Variants in CNOT1 observed in about 807,000 individuals in gnomAD.
CNOT1 encodes the protein CCR4-NOT transcription complex subunit 1.
Under a neutral mutation model 273.8 loss-of-function variants are expected in CNOT1, and 15 were observed. The observed-to-expected ratio is 0.05, with a 90% CI of 0.04 to 0.08. The LOEUF (loss-of-function observed/expected upper bound fraction) is 0.08. Ranked by LOEUF, CNOT1 falls within the 10% of genes least tolerant of loss-of-function variation. CNOT1 has a pLI of 1.00. For missense variants in CNOT1, 1,644 were observed against 2,912.2 expected, an observed-to-expected ratio of 0.56 and a Z score of 10.02; for synonymous variants, 1,022 against 1,005.5, an observed-to-expected ratio of 1.02 and a Z score of -0.31.
intron 1 of CNOT1, among the ~76,000 whole-genome samples, chr16:58,603,624 C>G (rs4784051): frequency 0.75 from 114,304 of 151,922 alleles, 43,418 homozygotes; most frequent in Middle Eastern, 0.86. Context: ...TTCCCCTACT[C>G]AGTTCTCTCT....
At chr16:58,532,712 C>T in intron 40 of CNOT1, 1 of 254,680 alleles carries the variant, frequency 3.9e-6, no homozygotes, top group East Asian at 7.8e-5. Context: ...CACAATATAA[C>T]AATCTAATTT....
chr16:58,584,845 T>C (rs1310469574), intron 8 of CNOT1, among the ~76,000 whole-genome samples: 1 of 152,162 alleles, frequency 6.6e-6, no homozygotes, highest in Non-Finnish European at 1.5e-5. Flanking sequence ...TAATCCAGTG[T>C]ATCACAGTCT....
intron 31 of CNOT1, chr16:58,543,040 C>T: frequency 1.8e-6 from 2 of 1,087,786 alleles, no homozygotes; most frequent in Non-Finnish European, 2.3e-6. Flanking sequence ...ATGCAGTGAG[C>T]CAAGACTGCA....
At chr16:58,550,978 T>G (rs1447235567) in intron 24 of CNOT1, among the ~76,000 whole-genome samples, 154 bp downstream of exon 24, 1 of 152,212 alleles carries the variant, frequency 6.6e-6, no homozygotes, top group Non-Finnish European at 1.5e-5. Context: ...ACTGGTACTA[T>G]TTAATGTCTA....
intron 36 of CNOT1, 56 bp downstream of exon 36, chr16:58,538,716 A>G (rs900717961): frequency 1.9e-6 from 3 of 1,601,966 alleles, no homozygotes; most frequent in Non-Finnish European, 2.5e-6. Flanking sequence ...AGTACTATCT[A>G]TGTCAAAAGG....
Position 58,620,776 on chromosome 16 carries a change from C to T in CNOT1, c.-175+8952G>A, listed in dbSNP as rs1420911530. On this transcript the variant is annotated intron_variant, in intron 1 of 48. Transcript: ENST00000317147. ...GAAGGAGGAATCAACACTTATAATT[C>T]CAGATGAAGGTATTAGAATGACTTC... Among the ~76,000 whole-genome samples, 3 of 151,166 alleles carry T rather than the reference C, an allele frequency of 2.0e-5. No individual in the cohort carries two copies. The East Asian group carries it at 5.8e-4, about 29-fold the overall frequency.
intron 1 of CNOT1, among the ~76,000 whole-genome samples, chr16:58,611,808 G>A (rs1177400511): frequency 5.4e-5 from 7 of 130,488 alleles, no homozygotes; most frequent in Non-Finnish European, 8.1e-5. Context: ...AAGACAGAAC[G>A]AGACTCTGTC....
chr16:58,560,430 G>C (rs1403760336), intron 16 of CNOT1, 68 bp from the exon 17 acceptor site: 4 of 1,483,124 alleles, frequency 2.7e-6, no homozygotes, highest in Non-Finnish European at 3.6e-6. Context: ...TAAACCAACC[G>C]ATCTGATTTT....
chr16:58,612,243 T>G (rs777687794), intron 1 of CNOT1, among the ~76,000 whole-genome samples: 2 of 152,140 alleles, frequency 1.3e-5, no homozygotes, highest in African/African-American at 4.8e-5. Flanking sequence ...AGAAGACAAG[T>G]AGGCAAGACC....
At chr16:58,525,758 C>A (rs2039561745) in intron 45 of CNOT1, among the ~76,000 whole-genome samples, 1 of 152,196 alleles carries the variant, frequency 6.6e-6, no homozygotes, top group Non-Finnish European at 1.5e-5. Flanking sequence ...GGAGTACCAA[C>A]AGCTAATGAC....
At chr16:58,572,389 C>T (rs879833216) in intron 16 of CNOT1, among the ~76,000 whole-genome samples, 5 of 152,202 alleles carry the variant, frequency 3.3e-5, no homozygotes, top group Non-Finnish European at 7.4e-5. Context: ...AATCGCAGCA[C>T]TTCTGGAGGC....
intron 2 of CNOT1, among the ~76,000 whole-genome samples, chr16:58,592,600 CA>C (rs534507332): frequency 8.5e-5 from 13 of 152,122 alleles, no homozygotes; most frequent in Non-Finnish European, 1.8e-4. Context: ...CTAAAACAAA[CA>C]AAGTAGTCCA....
chr16:58,598,951 T>G (rs1000817915), intron 2 of CNOT1: 31 of 293,010 alleles, frequency 1.1e-4, no homozygotes, highest in African/African-American at 6.6e-4. Flanking sequence ...CTCGGGAGGC[T>G]GAGGCAGGAG....
chr16:58,585,569 T>C, intron 7 of CNOT1, 63 bp from the exon 8 acceptor site: 1 of 1,552,438 alleles, frequency 6.4e-7, no homozygotes, highest in South Asian at 1.2e-5. Context: ...TCTTTTGCTC[T>C]ATCCAAAATC....
chr16:58,549,296 G>GGA (rs1555496101), intron 25 of CNOT1, among the ~76,000 whole-genome samples: 9 of 119,582 alleles, frequency 7.5e-5, no homozygotes, highest in Admixed American at 1.9e-4. Context: ...CAAAAAAATT[G>GGA]AAAAAAAAAA....
chr16:58,587,066 T>C, intron 6 of CNOT1, 135 bp downstream of exon 6: 1 of 1,247,960 alleles, frequency 8.0e-7, no homozygotes, highest in South Asian at 1.5e-5. Flanking sequence ...TTATATTACA[T>C]GTTTTTTACC....
chr16:58,622,188 C>T (rs1275252462), intron 1 of CNOT1, among the ~76,000 whole-genome samples: 4 of 151,416 alleles, frequency 2.6e-5, no homozygotes, highest in Non-Finnish European at 4.4e-5. Context: ...GTGGTGGGCG[C>T]CTGTAGTCCC....
intron 31 of CNOT1, among the ~76,000 whole-genome samples, 153 bp from the exon 32 acceptor site, chr16:58,542,721 A>G (rs1320608312): frequency 6.6e-6 from 1 of 152,232 alleles, no homozygotes; most frequent in African/African-American, 2.4e-5. Context: ...ATCTTGAAAC[A>G]GTCTTAACAG....
In CNOT1 at chr16:58,540,360, T is replaced by C. The variant is rs116231274; in HGVS notation, c.4801-401A>G. Among the ~76,000 whole-genome samples the C allele has an allele frequency of 7.3e-3, 1,108 of 152,320 alleles. 10 individuals carry two copies. The highest frequency in any genetic ancestry group is 0.012 in the East Asian group (64 of 5,180). ...ACTCAGTCCAACTGTCAAAGCCTGA[T>C]AGGATAGAGTAAGAATACAGCATTA... On this transcript the variant is annotated intron_variant, in intron 34 of 48. Transcript: ENST00000317147.
Sources: gnomAD v4.1 joint callset for allele counts (sites outside exome capture counted in the v4.1 genomes callset) on GRCh38, gnomAD v4.1.1 for gene constraint, MANE v1.5 for transcripts, NCBI Gene and HGNC (gene_info 2026-07-23, HGNC 2026-07-21) for gene names.